The following PALD1 variants were observed in gnomAD, a reference collection of about 807,000 sequenced individuals.
PALD1 encodes phosphatase domain containing paladin 1, also known as paladin.
Under a neutral mutation model 96.0 loss-of-function variants are expected in PALD1, and 57 were observed. That is an observed-to-expected ratio of 0.59 (90% CI 0.48 to 0.74). The LOEUF is 0.74. Ranked by LOEUF, PALD1 falls within the 30% of genes least tolerant of loss-of-function variation. The pLI is 0.00. For synonymous variants in PALD1, 464 were observed against 473.6 expected, an observed-to-expected ratio of 0.98 and a Z score of 0.26; for missense variants, 1,063 against 1,143.7, an observed-to-expected ratio of 0.93 and a Z score of 1.02.
chr10:70,523,839 C>T (rs1044746910), intron 1 of PALD1, among the ~76,000 whole-genome samples: 3 of 151,948 alleles, frequency 2.0e-5, no homozygotes, highest in Non-Finnish European at 4.4e-5. Flanking sequence ...GCCGATGAGT[C>T]TGGAGTTGTT....
chr10:70,479,849 C>T (rs1203612179), intron 1 of PALD1, among the ~76,000 whole-genome samples: 3 of 152,146 alleles, frequency 2.0e-5, no homozygotes, highest in African/African-American at 7.2e-5. Context: ...CTGGGCCGTG[C>T]CCCTGGAATG....
In PALD1 at chr10:70,529,286, G is replaced by T. The variant is rs61742183; in HGVS notation, c.243G>T (p.Thr81=). ...ATGAGCTGCTCAAGGCTCATTACAC[G>T]TTGGGCCGGCTCTCGGACAACACCC... ...IHDELLKAHY[T]LGRLSDNTPE... Residue 81 remains threonine (T), a synonymous_variant, in exon 3 of 20, where the codon ACG becomes ACT. Coordinates refer to ENST00000263563, the MANE Select transcript of PALD1 (RefSeq NM_014431.3). The T allele has an allele frequency of 3.1e-6, 5 of 1,589,788 alleles. No individual in the cohort carries two copies. The highest frequency in any genetic ancestry group is 1.7e-6 in the Non-Finnish European group (2 of 1,169,534).
At chr10:70,562,100 T>C (rs926391868) in intron 18 of PALD1, among the ~76,000 whole-genome samples, 2 of 152,222 alleles carry the variant, frequency 1.3e-5, no homozygotes, top group East Asian at 1.9e-4. Flanking sequence ...TCCCTCACTT[T>C]GCTGAGAAAT....
chr10:70,537,488 C>G (rs1428387430), intron 10 of PALD1, among the ~76,000 whole-genome samples: 1 of 152,186 alleles, frequency 6.6e-6, no homozygotes, highest in African/African-American at 2.4e-5. Flanking sequence ...ACAACCCTGA[C>G]CTGTTGGGTG....
chr10:70,546,058 G>GAAA (rs61696258), intron 17 of PALD1, among the ~76,000 whole-genome samples: 23,966 of 151,866 alleles, frequency 0.16, 2,292 homozygotes, highest in Admixed American at 0.22. Flanking sequence ...CCAACATGGT[G>GAAA]AAACCCTGTC....
intron 1 of PALD1, among the ~76,000 whole-genome samples, chr10:70,494,256 T>G (rs1001000948): frequency 6.6e-6 from 1 of 152,230 alleles, no homozygotes; most frequent in Non-Finnish European, 1.5e-5. Flanking sequence ...CTGCATCTCC[T>G]TGTATACTAT....
At chr10:70,561,614 C>A (rs1216402246) in intron 18 of PALD1, among the ~76,000 whole-genome samples, 1 of 152,148 alleles carries the variant, frequency 6.6e-6, no homozygotes, top group Non-Finnish European at 1.5e-5. Flanking sequence ...TCTGTGGCAG[C>A]CATGGGCCAT....
intron 18 of PALD1, among the ~76,000 whole-genome samples, chr10:70,557,074 G>T (rs1212855645): frequency 6.6e-6 from 1 of 152,220 alleles, no homozygotes; most frequent in Non-Finnish European, 1.5e-5. Flanking sequence ...AGGACAGAGC[G>T]TTCTTCTGCA....
chr10:70,561,442 G>T (rs1473409578), intron 18 of PALD1, among the ~76,000 whole-genome samples: 1 of 152,220 alleles, frequency 6.6e-6, no homozygotes, highest in African/African-American at 2.4e-5. Flanking sequence ...CCTAAGGGGT[G>T]GGGTGGAGAG....
chr10:70,522,579 A>G (rs749037690), intron 1 of PALD1, among the ~76,000 whole-genome samples: 1 of 152,222 alleles, frequency 6.6e-6, no homozygotes, highest in Non-Finnish European at 1.5e-5. Flanking sequence ...CTCACACTCC[A>G]TTGTCACTGC....
rs114174709 is a variant in PALD1 at position 70,546,244 on chromosome 10, A to G, written c.2122-1062A>G. ...AGGGCGAGACTCCATCTCAAGCAAA[A>G]CAAAACAAAACAAAACAAAAATAAG... On this transcript the variant is annotated intron_variant, in intron 17 of 19. Coordinates refer to ENST00000263563, the MANE Select transcript of PALD1 (RefSeq NM_014431.3). Among the ~76,000 whole-genome samples, 1,274 of 152,290 alleles carry G rather than the reference A, an allele frequency of 8.4e-3. 14 individuals are homozygous for G. The highest frequency in any genetic ancestry group is 0.029 in the African/African-American group (1,197 of 41,546).
the PALD1 span, among the ~76,000 whole-genome samples, chr10:70,464,064 A>C: frequency 6.6e-6 from 1 of 152,140 alleles, no homozygotes; most frequent in African/African-American, 2.4e-5. Context: ...AGCACCCCAG[A>C]AAGTTCCCTC....
At position 70,497,438 on chromosome 10, in the gene PALD1, C is replaced by T. The variant is rs141663811; in HGVS notation, c.-30+18379C>T. Reference sequence around the variant, plus strand: ...GTTTGGGTCATTCCTCAGCGCCACTCGCACAGCTCTCCTGACTGTGCCAAC... The same window carrying T: ...GTTTGGGTCATTCCTCAGCGCCACTTGCACAGCTCTCCTGACTGTGCCAAC... On this transcript the variant is annotated intron_variant, in intron 1 of 19. Transcript: ENST00000263563. Among the ~76,000 whole-genome samples, 523 of 152,324 alleles carry T rather than the reference C, an allele frequency of 3.4e-3. 2 individuals are homozygous for T. The highest frequency in any genetic ancestry group is 6.8e-3 in the African/African-American group (281 of 41,572).
chr10:70,543,060 C>T (rs1362991388), intron 17 of PALD1, among the ~76,000 whole-genome samples: 2 of 126,800 alleles, frequency 1.6e-5, no homozygotes, highest in African/African-American at 6.4e-5. Flanking sequence ...TGTGCCCAGC[C>T]GTTTTTTTTT....
At chr10:70,459,610 C>T in the PALD1 span, among the ~76,000 whole-genome samples, 1 of 152,212 alleles carries the variant, frequency 6.6e-6, no homozygotes, top group East Asian at 1.9e-4. Flanking sequence ...TGAGTCTTGG[C>T]AGACTCCAAA....
intron 18 of PALD1, among the ~76,000 whole-genome samples, chr10:70,557,392 T>G (rs1847632752): frequency 6.6e-6 from 1 of 152,182 alleles, no homozygotes; most frequent in African/African-American, 2.4e-5. Flanking sequence ...CTCTCAGCAT[T>G]GAATCTCTGT....
At chr10:70,504,325 G>A (rs933639798) in intron 1 of PALD1, among the ~76,000 whole-genome samples, 2 of 152,192 alleles carry the variant, frequency 1.3e-5, no homozygotes, top group South Asian at 2.1e-4. Context: ...TCAGGAGTTC[G>A]AGATCAGCCT....
chr10:70,526,129 G>A lies in PALD1; in HGVS notation c.178G>A (p.Val60Met). 1.2e-6 allele frequency: 2 copies of A among 1,613,900 alleles called. No homozygotes were observed. The highest frequency in any genetic ancestry group is 1.7e-6 in the Non-Finnish European group (2 of 1,179,798). Residue 60 changes from valine to methionine, a missense_variant, in exon 2 of 20, where the codon GTG (valine) becomes ATG (methionine). Coordinates refer to ENST00000263563, the MANE Select transcript of PALD1 (RefSeq NM_014431.3). ...CATCCCCAACAAGGTGGCCCCTGTT[G>A]TGATCACGTGAGTGGCAGGGGGAGT... The part of the protein sequence containing the change: ...SIIPNKVAPV[V>M]ITYNCKEEFQ...
chr10:70,510,270 G>A (rs139101611), intron 1 of PALD1, among the ~76,000 whole-genome samples: 77 of 152,270 alleles, frequency 5.1e-4, no homozygotes, highest in Admixed American at 9.8e-4. Flanking sequence ...GCTGGAGGTT[G>A]GAAGTGGGGC....
Sources: gnomAD v4.1 joint callset for allele counts (sites outside exome capture counted in the v4.1 genomes callset) on GRCh38, gnomAD v4.1.1 for gene constraint, MANE v1.5 for transcripts, NCBI Gene and HGNC (gene_info 2026-07-23, HGNC 2026-07-21) for gene names.